Variants in VPS13B observed in about 807,000 individuals in gnomAD.
VPS13B encodes vacuolar protein sorting 13 homolog B, also known as intermembrane lipid transfer protein VPS13B.
A neutral mutation model predicts 426.4 loss-of-function variants in VPS13B; 285 were observed. The ratio of observed to expected loss-of-function variants is 0.67; its 90% CI spans 0.61 to 0.74. The LOEUF (loss-of-function observed/expected upper bound fraction) is 0.74, where lower values mean the gene tolerates loss of function less well. Ranked by LOEUF, VPS13B falls within the 30% of genes least tolerant of loss-of-function variation. The pLI, the probability that VPS13B is intolerant of heterozygous loss-of-function variation, is 0.00. For missense variants in VPS13B, 4,537 were observed against 4,782.6 expected (o/e 0.95, Z 1.51); for synonymous variants, 1,676 against 1,676.4 (o/e 1.00, Z 0.01).
intron 3 of VPS13B, among the ~76,000 whole-genome samples, chr8:99,081,276 A>C (rs1172616576): frequency 6.6e-6 from 1 of 151,994 alleles, no homozygotes; most frequent in Non-Finnish European, 1.5e-5. Context: ...AATCTGACTA[A>C]ATGCTTTGAG....
intron 30 of VPS13B, among the ~76,000 whole-genome samples, chr8:99,533,225 C>A (rs1214540563): frequency 6.6e-6 from 1 of 152,040 alleles, no homozygotes; most frequent in African/African-American, 2.4e-5. Context: ...AGGCATGAGC[C>A]GTCGTACCTG....
At chr8:99,365,348 A>G (rs1383945248) in intron 19 of VPS13B, among the ~76,000 whole-genome samples, 1 of 151,266 alleles carries the variant, frequency 6.6e-6, no homozygotes, top group Non-Finnish European at 1.5e-5. Flanking sequence ...GTTATTTAAG[A>G]TATATCATTA....
intron 33 of VPS13B, among the ~76,000 whole-genome samples, chr8:99,593,693 G>A (rs1003938837): frequency 6.6e-6 from 1 of 151,908 alleles, no homozygotes; most frequent in Non-Finnish European, 1.5e-5. Context: ...TAAAGAAAAT[G>A]TGGTAAGTAT....
At chr8:99,714,370 G>A (rs1351035033) in intron 36 of VPS13B, among the ~76,000 whole-genome samples, 7 of 152,116 alleles carry the variant, frequency 4.6e-5, no homozygotes, top group Admixed American at 2.0e-4. Context: ...CAAAGTGGGC[G>A]CTAGAAGGGA....
At chr8:99,723,227 T>C (rs1223581256) in intron 39 of VPS13B, among the ~76,000 whole-genome samples, 1 of 152,208 alleles carries the variant, frequency 6.6e-6, no homozygotes, top group Non-Finnish European at 1.5e-5. Flanking sequence ...AATAATGTGA[T>C]GATTGTAAGA....
intron 33 of VPS13B, among the ~76,000 whole-genome samples, chr8:99,585,719 A>AT (rs1826271731): frequency 6.6e-6 from 1 of 152,206 alleles, no homozygotes; most frequent in South Asian, 2.1e-4. Flanking sequence ...CACAATTATC[A>AT]TCATAGTTGA....
intron 21 of VPS13B, among the ~76,000 whole-genome samples, chr8:99,430,712 C>A (rs1266262658): frequency 6.6e-6 from 1 of 150,768 alleles, no homozygotes; most frequent in Non-Finnish European, 1.5e-5. Flanking sequence ...ACCCCCCCCC[C>A]AACTTTTTTT....
intron 30 of VPS13B, among the ~76,000 whole-genome samples, chr8:99,535,238 G>T (rs1292197327): frequency 6.6e-6 from 1 of 152,114 alleles, no homozygotes; most frequent in Non-Finnish European, 1.5e-5. Context: ...ATTTTTACAT[G>T]AAAGCAAGTA....
rs186650798 is a variant in VPS13B at position 99,195,497 on chromosome 8, G to C, written c.2515+2440G>C. ...ATAACAACTCTTTATCAGAGGGATG[G>C]TTTGTAAATTTTTCTCCCAGTTTCT... On this transcript the variant is annotated intron_variant, in intron 17 of 61. Transcript: ENST00000357162. 6.3e-4 allele frequency among the ~76,000 whole-genome samples: 96 copies of C among 152,238 alleles called. 2 individuals carry two copies. Among genetic ancestry groups the C allele is most frequent in the African/African-American group, 2.2e-3 (92 of 41,550 alleles).
intron 5 of VPS13B, among the ~76,000 whole-genome samples, chr8:99,104,558 G>T (rs7838738): frequency 1.0e-5 from 1 of 100,298 alleles, no homozygotes; most frequent in African/African-American, 3.9e-5. Flanking sequence ...TCTCCCCACC[G>T]TCCCCCCTCC....
chr8:99,517,684 A>G (rs986701571), intron 29 of VPS13B, among the ~76,000 whole-genome samples: 1 of 152,152 alleles, frequency 6.6e-6, no homozygotes, highest in African/African-American at 2.4e-5. Flanking sequence ...AAAATCTAGC[A>G]TGTCTAGAAT....
chr8:99,053,293 C>T (rs1183905664), intron 3 of VPS13B, among the ~76,000 whole-genome samples: 1 of 152,014 alleles, frequency 6.6e-6, no homozygotes, highest in East Asian at 1.9e-4. Flanking sequence ...CTCCCCGCTC[C>T]CCGCACCCCA....
In VPS13B at chr8:99,349,477, C is replaced by CT. The variant is rs1811750469; in HGVS notation, c.2825-34731_2825-34730insT. Among the ~76,000 whole-genome samples the CT allele has an allele frequency of 2.6e-5, 4 of 151,712 alleles. No homozygotes were observed. The South Asian group carries it at 8.3e-4, about 32-fold the overall frequency. ...ATCTAGAATCCATAATGGAGAAAAT[C>CT]ACATTTAGCACAGTATGTATTTTAT... On this transcript the variant is annotated intron_variant, in intron 19 of 61. Coordinates refer to ENST00000357162, the MANE Select transcript of VPS13B (RefSeq NM_152564.5).
intron 19 of VPS13B, among the ~76,000 whole-genome samples, chr8:99,360,172 TTCTTTCTTTCTTTCTTTCTCTCTC>T (rs1812451220): frequency 2.3e-5 from 1 of 42,730 alleles, no homozygotes; most frequent in Non-Finnish European, 4.3e-5. Flanking sequence ...CTTTCTTTCT[TTCTTTCTTTCTTTCTTTCTCTCTC>T]TCTCTCTCTC....
intron 16 of VPS13B, among the ~76,000 whole-genome samples, chr8:99,180,555 T>C (rs1812894433): frequency 6.6e-6 from 1 of 152,164 alleles, no homozygotes; most frequent in South Asian, 2.1e-4. Context: ...GGGGAGTTTA[T>C]TTGTCTAAAA....
chr8:99,797,119 T>C (rs1812876495), intron 43 of VPS13B: 1 of 152,186 alleles, frequency 6.6e-6, no homozygotes, highest in Non-Finnish European at 1.5e-5. Context: ...TGAGGTTGTA[T>C]TGGATGTTTG....
At chr8:99,132,053 C>G (rs559484600) in intron 8 of VPS13B, among the ~76,000 whole-genome samples, 1 of 152,098 alleles carries the variant, frequency 6.6e-6, no homozygotes, top group East Asian at 1.9e-4. Context: ...TGCACCACCA[C>G]GCTTGGCTAA....
At chr8:99,015,048 G>T (rs951467617) in intron 2 of VPS13B, among the ~76,000 whole-genome samples, 1 of 152,004 alleles carries the variant, frequency 6.6e-6, no homozygotes, top group Non-Finnish European at 1.5e-5. Context: ...ATAGTCCACA[G>T]CCTCTTTTAT....
chr8:99,826,711 A>G (rs1814706694), intron 51 of VPS13B, among the ~76,000 whole-genome samples: 1 of 152,178 alleles, frequency 6.6e-6, no homozygotes, highest in Admixed American at 6.5e-5. Flanking sequence ...TGGGTTTCTC[A>G]TGAATAGCTC....
Sources: allele counts gnomAD v4.1 joint callset (sites outside exome capture counted in the v4.1 genomes callset), GRCh38; gene constraint gnomAD v4.1.1; transcripts MANE v1.5; gene names NCBI Gene and HGNC (gene_info 2026-07-23, HGNC 2026-07-21).